The following ZNF407 variants were observed in gnomAD, a reference collection of about 807,000 sequenced individuals.
ZNF407 encodes the protein zinc finger protein 407.
ZNF407 carries 17 observed loss-of-function variants against 131.2 expected under a neutral mutation model. The observed-to-expected ratio is 0.13, with a 90% confidence interval of 0.09 to 0.19. The LOEUF is 0.19. ZNF407 is among the 10% of genes least tolerant of loss of function. The probability of loss-of-function intolerance (pLI) is 1.00; values close to 1 mark genes in which losing one functional copy is unlikely to be tolerated. For synonymous variants in ZNF407, 1,156 were observed against 1,062.0 expected, an observed-to-expected ratio of 1.09 and a Z score of -1.72; for missense variants, 2,681 against 2,830.6, an observed-to-expected ratio of 0.95 and a Z score of 1.20.
intron 3 of ZNF407, among the ~76,000 whole-genome samples, chr18:74,711,961 C>T (rs780996302): frequency 3.0e-4 from 46 of 152,186 alleles, no homozygotes; most frequent in Non-Finnish European, 6.0e-4. Context: ...CCACCCGCCT[C>T]GGCCTCCCAA....
At chr18:74,721,232 C>CATTTT (rs780020810) in intron 3 of ZNF407, among the ~76,000 whole-genome samples, 3 of 152,082 alleles carry the variant, frequency 2.0e-5, no homozygotes, top group Admixed American at 1.3e-4. Context: ...TATTCCTAGG[C>CATTTT]ATTTTATTTT....
chr18:74,713,724 A>G (rs913619256), intron 3 of ZNF407, among the ~76,000 whole-genome samples: 3 of 152,216 alleles, frequency 2.0e-5, no homozygotes, highest in Admixed American at 6.5e-5. Flanking sequence ...AGACCGTGCT[A>G]TAGAGAATAG....
chr18:74,839,348 T>C (rs1970600652), intron 4 of ZNF407, among the ~76,000 whole-genome samples: 1 of 152,216 alleles, frequency 6.6e-6, no homozygotes, highest in Non-Finnish European at 1.5e-5. Flanking sequence ...TACAAGGAAT[T>C]GTGTTATGCG....
chr18:75,027,465 G>A (rs1021764935), intron 8 of ZNF407, among the ~76,000 whole-genome samples: 2 of 152,232 alleles, frequency 1.3e-5, no homozygotes, highest in African/African-American at 4.8e-5. Context: ...TCTAGGCTAA[G>A]AGTGTAGCCA....
At chr18:74,613,221 C>T (rs1983140616) in intron 1 of ZNF407, among the ~76,000 whole-genome samples, 1 of 152,188 alleles carries the variant, frequency 6.6e-6, no homozygotes, top group South Asian at 2.1e-4. Flanking sequence ...TTTGGGGAAT[C>T]AACGTTTGCC....
chr18:74,808,621 A>G (rs1970148808), intron 4 of ZNF407, among the ~76,000 whole-genome samples: 1 of 152,212 alleles, frequency 6.6e-6, no homozygotes, highest in Non-Finnish European at 1.5e-5. Context: ...GGGGCTTACA[A>G]ATAGAGTTCT....
chr18:74,868,142 C>T (rs1369494152), intron 4 of ZNF407, among the ~76,000 whole-genome samples: 1 of 152,152 alleles, frequency 6.6e-6, no homozygotes, highest in East Asian at 1.9e-4. Flanking sequence ...GCAAAGGAAA[C>T]AGAGGTTCTC....
intron 4 of ZNF407, among the ~76,000 whole-genome samples, chr18:74,863,706 A>G (rs755117794): frequency 2.6e-5 from 4 of 152,140 alleles, no homozygotes; most frequent in Non-Finnish European, 5.9e-5. Context: ...TAACAACTCT[A>G]TTATGTTTTT....
At chr18:74,636,452 T>A (rs2144679860) in intron 2 of ZNF407, among the ~76,000 whole-genome samples, 1 of 152,360 alleles carries the variant, frequency 6.6e-6, no homozygotes, top group Admixed American at 6.5e-5. Context: ...AATAGACAGC[T>A]TTTCTAAATC....
chr18:74,637,033 C>A (rs566809572), intron 2 of ZNF407, among the ~76,000 whole-genome samples: 1 of 152,286 alleles, frequency 6.6e-6, no homozygotes, highest in African/African-American at 2.4e-5. Context: ...TTTTAGAATT[C>A]TTTATGCAAC....
chr18:74,966,221 C>T (rs943774809), intron 8 of ZNF407, among the ~76,000 whole-genome samples: 5 of 152,260 alleles, frequency 3.3e-5, no homozygotes, highest in South Asian at 2.1e-4. Flanking sequence ...TGGGGTATTT[C>T]GCAAGAAATT....
At chr18:74,749,154 C>G (rs1968739972) in intron 3 of ZNF407, among the ~76,000 whole-genome samples, 1 of 152,146 alleles carries the variant, frequency 6.6e-6, no homozygotes, top group African/African-American at 2.4e-5. Flanking sequence ...TAGCCATTGC[C>G]ACTGTACCAT....
intron 3 of ZNF407, among the ~76,000 whole-genome samples, chr18:74,711,801 C>T (rs1384877957): frequency 6.6e-6 from 1 of 152,146 alleles, no homozygotes; most frequent in East Asian, 1.9e-4. Flanking sequence ...ACCTCCGCCT[C>T]TCAGGTTCAA....
chr18:74,639,696 T>C (rs183995355), intron 2 of ZNF407, among the ~76,000 whole-genome samples: 2 of 152,332 alleles, frequency 1.3e-5, no homozygotes, highest in East Asian at 3.9e-4. Context: ...TTCATTGTCA[T>C]TGAACTGTGA....
Position 74,883,712 on chromosome 18 carries a change from C to T in ZNF407, c.5128+2593C>T, listed in dbSNP as rs35325900. Among the ~76,000 whole-genome samples the T allele has an allele frequency of 3.1e-3, 466 of 152,296 alleles. 1 individual carries two copies. Among genetic ancestry groups the T allele is most frequent in the African/African-American group, 0.011 (439 of 41,566 alleles). On this transcript the variant is annotated intron_variant, in intron 6 of 8. Transcript: ENST00000299687. ...CATGAGACGCGGTCAGCCCGTCTGA[C>T]GGACAGTTGACACACAAAGAGCACC...
chr18:74,622,986 G>A (rs557116422), intron 1 of ZNF407, among the ~76,000 whole-genome samples: 4 of 152,138 alleles, frequency 2.6e-5, no homozygotes, highest in South Asian at 2.1e-4. Context: ...CAGTGTGAAT[G>A]TGAGTCCGTG....
chr18:74,601,488 C>G (rs1982582874), intron 1 of ZNF407, among the ~76,000 whole-genome samples: 1 of 151,996 alleles, frequency 6.6e-6, no homozygotes, highest in Non-Finnish European at 1.5e-5. Flanking sequence ...GAGAGATAGC[C>G]AAGGCTGGGT....
intron 8 of ZNF407, among the ~76,000 whole-genome samples, chr18:74,975,540 A>G (rs1434862340): frequency 6.6e-6 from 1 of 152,220 alleles, no homozygotes; most frequent in Non-Finnish European, 1.5e-5. Flanking sequence ...AATAAAGGCA[A>G]TATTCATTGA....
chr18:75,020,479 A>G (rs1973097092), intron 8 of ZNF407, among the ~76,000 whole-genome samples: 1 of 152,148 alleles, frequency 6.6e-6, no homozygotes, highest in Non-Finnish European at 1.5e-5. Flanking sequence ...GTGATGACCA[A>G]TATTATTTTT....
Sources: allele counts gnomAD v4.1 joint callset (sites outside exome capture counted in the v4.1 genomes callset), GRCh38; gene constraint gnomAD v4.1.1; transcripts MANE v1.5; gene names NCBI Gene and HGNC (gene_info 2026-07-23, HGNC 2026-07-21).